The following ACSL5 variants were observed in gnomAD, a reference collection of about 807,000 sequenced individuals.
The protein encoded by ACSL5 is acyl-CoA synthetase long chain family member 5.
Under a neutral mutation model 84.9 loss-of-function variants are expected in ACSL5, and 50 were observed. That is an observed-to-expected ratio of 0.59 (90% CI 0.47 to 0.75). The LOEUF (loss-of-function observed/expected upper bound fraction) is 0.75, where lower values mean the gene tolerates loss of function less well. ACSL5 is among the 30% of genes least tolerant of loss of function. ACSL5 has a pLI of 0.00. For synonymous variants in ACSL5, 280 were observed against 300.7 expected (o/e 0.93, Z 0.71); for missense variants, 775 against 830.4 (o/e 0.93, Z 0.82).
At position 112,376,079 on chromosome 10, in the gene ACSL5, GC is replaced by G. The variant is rs1429930532; in HGVS notation, c.-30+1811del. On this transcript the variant is annotated intron_variant, in intron 1 of 20. Transcript: ENST00000354655. Reference sequence around the variant, plus strand: ...GGGTCAACTGTGTTGAGGCAAGCTGGCTTTTGTGTCGGCCCTTAGGGGCTGA... The same window carrying G: ...GGGTCAACTGTGTTGAGGCAAGCTGGTTTTGTGTCGGCCCTTAGGGGCTGA... 1.8e-5 allele frequency: 9 copies of G among 508,202 alleles called. No homozygotes were observed. The East Asian group carries it at 2.5e-4, about 14-fold the overall frequency. The allele number at this position is 508,202 out of a possible 1,614,324, so 31.5% of individuals were successfully genotyped here. A position where few individuals can be genotyped will look rare whatever the true frequency, so the allele number is the denominator to read the frequency against.
intron 1 of ACSL5, among the ~76,000 whole-genome samples, chr10:112,381,314 C>T (rs1444518785): frequency 6.6e-6 from 1 of 152,154 alleles, no homozygotes. Flanking sequence ...AGTGTTCATC[C>T]CTCAGCACAT....
rs531643505 is a variant in ACSL5 at position 112,382,753 on chromosome 10, C to G, written c.-30+8484C>G. ...TCTTAACCCTTTCTCTGCCAGCTGT[C>G]TTACACATTGGGACTGTTAGATGCT... On this transcript the variant is annotated intron_variant, in intron 1 of 20. Coordinates refer to ENST00000354655, the MANE Select transcript of ACSL5 (RefSeq NM_203379.2). 3.3e-5 allele frequency among the ~76,000 whole-genome samples: 5 copies of G among 152,310 alleles called. No homozygotes were observed. In the East Asian group the frequency reaches 9.6e-4, roughly 29 times the overall value.
chr10:112,402,673 C>CT (rs1459811597), intron 3 of ACSL5, among the ~76,000 whole-genome samples: 3 of 152,168 alleles, frequency 2.0e-5, no homozygotes, highest in African/African-American at 7.2e-5. Flanking sequence ...CTCTTCCCTG[C>CT]TTTCCTTCCT....
At chr10:112,376,842 GA>G (rs1214939760) in intron 1 of ACSL5, among the ~76,000 whole-genome samples, 1 of 152,090 alleles carries the variant, frequency 6.6e-6, no homozygotes, top group African/African-American at 2.4e-5. Context: ...AGAGACAGAT[GA>G]ATGGAGCTGA....
At position 112,408,507 on chromosome 10, in the gene ACSL5, A is replaced by G. The variant is rs1271455634; in HGVS notation, c.518A>G (p.His173Arg). ...YDTLGPEAIV[H>R]IVNKADIAMV... Reference sequence around the variant, plus strand: ...ACCTTGGGACCAGAAGCCATCGTACATATTGTCAACAAGGGTAAAATTTTG... The same window carrying G: ...ACCTTGGGACCAGAAGCCATCGTACGTATTGTCAACAAGGGTAAAATTTTG... The change falls in exon 6 of 21, where the codon CAT (histidine) becomes CGT (arginine). Residue 173 changes from histidine (H) to arginine (R), a missense_variant. Coordinates refer to ENST00000354655, the MANE Select transcript of ACSL5 (RefSeq NM_203379.2). 6.2e-7 allele frequency: 1 copy of G among 1,609,898 alleles called. No homozygotes were observed. Among genetic ancestry groups the G allele is most frequent in the East Asian group, 2.2e-5 (1 of 44,854 alleles).
chr10:112,394,896 T>C, intron 1 of ACSL5, 22 bp from the exon 2 acceptor site: 2 of 1,608,674 alleles, frequency 1.2e-6, no homozygotes, highest in Non-Finnish European at 1.7e-6. Context: ...CTAAATTTTC[T>C]TTCCCCTGTT....
intron 16 of ACSL5, 48 bp downstream of exon 16, chr10:112,422,083 A>C (rs750660134): frequency 6.3e-7 from 1 of 1,590,284 alleles, no homozygotes; most frequent in South Asian, 1.1e-5. Context: ...GGGGAGGTTT[A>C]TATCAGAAAG....
chr10:112,392,194 G>A (rs1843655612), intron 1 of ACSL5, among the ~76,000 whole-genome samples: 1 of 152,210 alleles, frequency 6.6e-6, no homozygotes, highest in South Asian at 2.1e-4. Context: ...AGCTTGGGGT[G>A]GTCGTGGTGG....
At chr10:112,426,202 G>A in intron 18 of ACSL5, 56 bp from the exon 19 acceptor site, 1 of 1,366,986 alleles carries the variant, frequency 7.3e-7, no homozygotes, top group Non-Finnish European at 1.0e-6. Context: ...AACTACTGGG[G>A]GACATCCCTA....
chr10:112,413,638 T>C (rs1020542340), intron 12 of ACSL5, among the ~76,000 whole-genome samples: 2 of 152,050 alleles, frequency 1.3e-5, no homozygotes, highest in Non-Finnish European at 2.9e-5. Context: ...GGCAGGAGAA[T>C]TGCTTGAACC....
intron 3 of ACSL5, among the ~76,000 whole-genome samples, chr10:112,399,292 C>T (rs576942418): frequency 5.6e-4 from 85 of 152,284 alleles, no homozygotes; most frequent in Non-Finnish European, 1.1e-3. Context: ...ACAAGAAGAA[C>T]GTCCCTGCCA....
intron 16 of ACSL5, 96 bp from the exon 17 acceptor site, chr10:112,422,229 A>C: frequency 2.6e-6 from 3 of 1,158,462 alleles, no homozygotes; most frequent in Non-Finnish European, 3.8e-6. Context: ...AGTGGAAGCC[A>C]TCAAATGATT....
chr10:112,386,092 A>G (rs1237880924), intron 1 of ACSL5, among the ~76,000 whole-genome samples: 3 of 151,626 alleles, frequency 2.0e-5, no homozygotes, highest in Non-Finnish European at 2.9e-5. Context: ...GCAATTTAGT[A>G]CATGATAATA....
In ACSL5 at chr10:112,425,293, T is replaced by C. The variant is rs1445757699; in HGVS notation, c.1594-45T>C. The C allele has an allele frequency of 7.7e-6, 12 of 1,557,182 alleles. No homozygotes were observed. The South Asian group carries it at 1.3e-4, about 17-fold the overall frequency. ...TTCACCACTCTCCCCACTGATATCATCTCTGTGGCTCAAAAATACTGATAC... is the reference window on the plus strand; with the variant it reads ...TTCACCACTCTCCCCACTGATATCACCTCTGTGGCTCAAAAATACTGATAC... On this transcript the variant is annotated intron_variant, in intron 17 of 20. Coordinates refer to ENST00000354655, the MANE Select transcript of ACSL5 (RefSeq NM_203379.2).
chr10:112,391,670 T>C (rs577087686), intron 1 of ACSL5, among the ~76,000 whole-genome samples: 16 of 152,338 alleles, frequency 1.1e-4, no homozygotes, highest in African/African-American at 3.6e-4. Flanking sequence ...AGTCAAACAT[T>C]AACAGACCGT....
At position 112,428,202 on chromosome 10, in the gene ACSL5, G is replaced by A; in HGVS notation, c.*844G>A. The A allele has an allele frequency of 2.7e-6, 1 of 368,444 alleles. No homozygotes were observed. Among genetic ancestry groups the A allele is most frequent in the Admixed American group, 4.6e-5 (1 of 21,690 alleles). 22.8% of individuals were successfully genotyped at this position (368,444 alleles called of 1,614,324 possible). ...GCACTGAATAAAAACCTCCTGAACT[G>A]GGAACAAAGATCTACAGGCAAGCAA... On this transcript the variant is annotated 3_prime_UTR_variant, in exon 21 of 21. Transcript: ENST00000354655.
At chr10:112,398,750 T>G in intron 2 of ACSL5, 151 bp from the exon 3 acceptor site, 1 of 651,164 alleles carries the variant, frequency 1.5e-6, no homozygotes, top group Non-Finnish European at 2.7e-6. Flanking sequence ...ATACTATGAT[T>G]TGGGGATTTT....
At chr10:112,410,160 G>A (rs1026440028) in intron 7 of ACSL5, 1 of 1,366,472 alleles carries the variant, frequency 7.3e-7, no homozygotes, top group Middle Eastern at 2.5e-4. Context: ...GAAAATGTTA[G>A]CTATTCATTT....
chr10:112,418,487 C>G (rs552454021), intron 14 of ACSL5, among the ~76,000 whole-genome samples: 1 of 152,004 alleles, frequency 6.6e-6, no homozygotes, highest in African/African-American at 2.4e-5. Flanking sequence ...GAGGCTGAGG[C>G]GGGAGAATGG....
Sources: gnomAD v4.1 joint callset for allele counts (sites outside exome capture counted in the v4.1 genomes callset) on GRCh38, gnomAD v4.1.1 for gene constraint, MANE v1.5 for transcripts, NCBI Gene and HGNC (gene_info 2026-07-23, HGNC 2026-07-21) for gene names.